SUSD6: variants seen among roughly 807,000 people sequenced by gnomAD.
The protein encoded by SUSD6 is sushi domain containing 6.
SUSD6 carries 16 observed loss-of-function variants against 28.4 expected under a neutral mutation model. The ratio of observed to expected loss-of-function variants is 0.56; its 90% confidence interval spans 0.38 to 0.86. The LOEUF is 0.86. Among genes scored for constraint, SUSD6 ranks in the 40% least tolerant of loss-of-function variants. The pLI is 0.00. For synonymous variants in SUSD6, 147 were observed against 159.6 expected (o/e 0.92, Z 0.59); for missense variants, 341 against 384.2 (o/e 0.89, Z 0.94).
intron 2 of SUSD6, among the ~76,000 whole-genome samples, chr14:69,662,751 C>T (rs963653523): frequency 2.0e-5 from 3 of 152,164 alleles, no homozygotes; most frequent in African/African-American, 7.2e-5. Context: ...TTCATTTTAC[C>T]TGTAGTCTTA....
chr14:69,678,378 A>G (rs1180280591), intron 2 of SUSD6, among the ~76,000 whole-genome samples: 3 of 150,514 alleles, frequency 2.0e-5, no homozygotes, highest in Non-Finnish European at 3.0e-5. Flanking sequence ...ATTACAAACT[A>G]TAGTTGTAAA....
intron 1 of SUSD6, among the ~76,000 whole-genome samples, chr14:69,623,788 A>AT (rs1332128546): frequency 6.6e-6 from 1 of 152,224 alleles, no homozygotes; most frequent in Non-Finnish European, 1.5e-5. Context: ...ACAAAAAAAG[A>AT]TTTTTTAAAA....
intron 1 of SUSD6, among the ~76,000 whole-genome samples, chr14:69,631,672 A>G (rs1288804518): frequency 6.6e-6 from 1 of 152,198 alleles, no homozygotes; most frequent in Non-Finnish European, 1.5e-5. Context: ...ATGTTTCTGG[A>G]GTAGGATTAT....
At chr14:69,644,584 A>G (rs1885399873) in intron 1 of SUSD6, among the ~76,000 whole-genome samples, 2 of 152,198 alleles carry the variant, frequency 1.3e-5, no homozygotes, top group South Asian at 4.1e-4. Flanking sequence ...AGGAAGTTGC[A>G]GTGAGCCAAG....
At chr14:69,644,372 C>T (rs1885396197) in intron 1 of SUSD6, among the ~76,000 whole-genome samples, 1 of 152,158 alleles carries the variant, frequency 6.6e-6, no homozygotes, top group Non-Finnish European at 1.5e-5. Context: ...TTAATTATGG[C>T]TGGGCACGGT....
At chr14:69,682,341 AAAG>A (rs1414830252) in intron 2 of SUSD6, among the ~76,000 whole-genome samples, 9 of 152,280 alleles carry the variant, frequency 5.9e-5, no homozygotes, top group Admixed American at 5.9e-4. Context: ...TGTCTCAAAA[AAAG>A]AGAGAAAGAA....
intron 1 of SUSD6, among the ~76,000 whole-genome samples, chr14:69,630,087 A>G (rs757533959): frequency 5.9e-5 from 9 of 152,232 alleles, no homozygotes; most frequent in Admixed American, 1.3e-4. Flanking sequence ...GCTAACATAT[A>G]TTGAATGCTT....
chr14:69,668,929 G>T (rs1885786885), intron 2 of SUSD6, among the ~76,000 whole-genome samples: 1 of 151,542 alleles, frequency 6.6e-6, no homozygotes, highest in African/African-American at 2.4e-5. Context: ...ATGATTGAAA[G>T]CTTCTTGAGG....
chr14:69,654,068 C>T (rs1885543256), intron 1 of SUSD6, among the ~76,000 whole-genome samples: 1 of 152,208 alleles, frequency 6.6e-6, no homozygotes, highest in Non-Finnish European at 1.5e-5. Context: ...CCTGTCCCGT[C>T]TTAGGCTTCA....
chr14:69,629,992 A>G (rs1444872672), intron 1 of SUSD6, among the ~76,000 whole-genome samples: 9 of 152,234 alleles, frequency 5.9e-5, no homozygotes, highest in Admixed American at 5.2e-4. Flanking sequence ...TGTAGTGGTA[A>G]TGAATTGAGA....
intron 2 of SUSD6, among the ~76,000 whole-genome samples, chr14:69,691,704 G>C (rs1185290846): frequency 6.6e-6 from 1 of 152,118 alleles, no homozygotes; most frequent in Non-Finnish European, 1.5e-5. Flanking sequence ...TCCCCATTCT[G>C]CATTTAGTGA....
intron 2 of SUSD6, among the ~76,000 whole-genome samples, chr14:69,699,546 T>G (rs1057385605): frequency 1.3e-5 from 2 of 152,172 alleles, no homozygotes; most frequent in Non-Finnish European, 2.9e-5. Context: ...TGCCTTTTTT[T>G]TTTTTTTGGA....
chr14:69,704,270 C>T (rs78245959), intron 3 of SUSD6, among the ~76,000 whole-genome samples: 6,100 of 152,126 alleles, frequency 0.04, 435 homozygotes, highest in African/African-American at 0.14. Context: ...GTTAAATTGT[C>T]GATGTTTACA....
chr14:69,670,526 A>G (rs1044953943), intron 2 of SUSD6: 22 of 456,556 alleles, frequency 4.8e-5, no homozygotes, highest in Admixed American at 2.6e-4. Context: ...GTTAACGAGT[A>G]TGGGGAGACA....
At chr14:69,634,551 C>T (rs1157997943) in intron 1 of SUSD6, among the ~76,000 whole-genome samples, 4 of 152,206 alleles carry the variant, frequency 2.6e-5, no homozygotes, top group Non-Finnish European at 5.9e-5. Context: ...CCACCTAGGA[C>T]TGTGAAATAG....
At chr14:69,627,977 A>C (rs1402779246) in intron 1 of SUSD6, among the ~76,000 whole-genome samples, 1 of 150,074 alleles carries the variant, frequency 6.7e-6, no homozygotes, top group Non-Finnish European at 1.5e-5. Flanking sequence ...TCTGTCACCC[A>C]GTCTGGAGGG....
chr14:69,616,938 C>T (rs1275746546), intron 1 of SUSD6, among the ~76,000 whole-genome samples: 1 of 152,158 alleles, frequency 6.6e-6, no homozygotes, highest in Non-Finnish European at 1.5e-5. Context: ...AAGTCACTCC[C>T]TATTTCTCTA....
intron 2 of SUSD6, among the ~76,000 whole-genome samples, chr14:69,698,788 G>A (rs543045457): frequency 7.7e-4 from 118 of 152,320 alleles, no homozygotes; most frequent in African/African-American, 2.5e-3. Flanking sequence ...TGCACTCCCT[G>A]TGCTCACTGA....
intron 2 of SUSD6, among the ~76,000 whole-genome samples, chr14:69,699,087 C>T (rs757022616): frequency 4.6e-5 from 7 of 152,272 alleles, no homozygotes; most frequent in East Asian, 1.9e-4. Flanking sequence ...GTGGGTTTTG[C>T]CTTTTTTTAG....
Sources: allele counts gnomAD v4.1 joint callset (sites outside exome capture counted in the v4.1 genomes callset), GRCh38; gene constraint gnomAD v4.1.1; transcripts MANE v1.5; gene names NCBI Gene and HGNC (gene_info 2026-07-23, HGNC 2026-07-21).